The following ADAMTSL1 variants were observed in gnomAD, a reference collection of about 807,000 sequenced individuals.
ADAMTSL1 encodes ADAMTS like 1.
In ADAMTSL1, 126 loss-of-function variants were observed where a neutral mutation model predicts 201.8. The ratio of observed to expected loss-of-function variants is 0.62; its 90% CI spans 0.54 to 0.72. The LOEUF (loss-of-function observed/expected upper bound fraction) is 0.72, where lower values mean the gene tolerates loss of function less well. ADAMTSL1 is among the 30% of genes least tolerant of loss of function. ADAMTSL1 has a pLI of 0.00. For missense variants in ADAMTSL1, 2,679 were observed against 2,277.8 expected (o/e 1.18, Z -3.59); for synonymous variants, 1,121 against 903.4 (o/e 1.24, Z -4.32).
chr9:18,508,754 TA>T (rs1817834142), intron 2 of ADAMTSL1, among the ~76,000 whole-genome samples: 1 of 152,156 alleles, frequency 6.6e-6, no homozygotes, highest in Non-Finnish European at 1.5e-5. Flanking sequence ...TAAGTACTTA[TA>T]AAAGCAAAAT....
intron 4 of ADAMTSL1, among the ~76,000 whole-genome samples, chr9:18,613,950 A>G (rs764652960): frequency 6.6e-6 from 1 of 152,202 alleles, no homozygotes; most frequent in Non-Finnish European, 1.5e-5. Flanking sequence ...ATCAAAGTAG[A>G]TCTTATTGAG....
chr9:18,854,789 A>G (rs188207447), intron 23 of ADAMTSL1, among the ~76,000 whole-genome samples: 7 of 152,330 alleles, frequency 4.6e-5, no homozygotes, highest in African/African-American at 1.7e-4. Context: ...CTCTCAAACA[A>G]TTGTTCAGTG....
At chr9:18,737,768 A>C (rs1818599540) in intron 15 of ADAMTSL1, among the ~76,000 whole-genome samples, 1 of 152,252 alleles carries the variant, frequency 6.6e-6, no homozygotes, top group Non-Finnish European at 1.5e-5. Flanking sequence ...CAACTTGTCC[A>C]AATAGACACT....
intron 3 of ADAMTSL1, among the ~76,000 whole-genome samples, chr9:18,543,402 G>A (rs1564032084): frequency 9.2e-5 from 14 of 151,944 alleles, no homozygotes. Flanking sequence ...TCTGAAAAGA[G>A]AAATGATGAG....
At chr9:18,245,217 A>G (rs1391017235) in intron 2 of ADAMTSL1, among the ~76,000 whole-genome samples, 1 of 152,168 alleles carries the variant, frequency 6.6e-6, no homozygotes, top group African/African-American at 2.4e-5. Flanking sequence ...AATGCAAGCC[A>G]CATATGTAAT....
chr9:18,169,904 A>T (rs897194430), intron 2 of ADAMTSL1, among the ~76,000 whole-genome samples: 1 of 151,680 alleles, frequency 6.6e-6, no homozygotes, highest in African/African-American at 2.4e-5. Flanking sequence ...ATTCCTATTT[A>T]ATCTTTGGTT....
intron 2 of ADAMTSL1, among the ~76,000 whole-genome samples, chr9:18,338,287 C>G (rs1341729461): frequency 6.6e-6 from 1 of 152,146 alleles, no homozygotes; most frequent in African/African-American, 2.4e-5. Flanking sequence ...CTACCACCAA[C>G]AGATGAATTT....
intron 2 of ADAMTSL1, among the ~76,000 whole-genome samples, chr9:18,216,209 T>C (rs1382357374): frequency 6.6e-5 from 10 of 152,182 alleles, no homozygotes; most frequent in African/African-American, 2.4e-4. Flanking sequence ...GGTCCAACTT[T>C]TGTTGTTCGT....
chr9:18,137,354 G>A lies in ADAMTSL1; in HGVS notation c.88-26508G>A, dbSNP rs190294751. Among the ~76,000 whole-genome samples the A allele has an allele frequency of 2.6e-3, 392 of 152,160 alleles. 3 individuals are homozygous for A. Among genetic ancestry groups the A allele is most frequent in the Middle Eastern group, 0.02 (6 of 294 alleles). ...TCATAGAAAGAAGTGTTTCTTTATC[G>A]TTGTATTCAGGCTAAACTGGGACTG... On this transcript the variant is annotated intron_variant, in intron 1 of 29. Transcript: ENST00000680146.
chr9:18,886,285 G>C (rs1333702259), intron 23 of ADAMTSL1, among the ~76,000 whole-genome samples: 1 of 149,034 alleles, frequency 6.7e-6, no homozygotes, highest in African/African-American at 2.5e-5. Context: ...GGACATGGTG[G>C]TGCACACCTG....
chr9:18,269,380 G>A (rs1832267372), intron 2 of ADAMTSL1, among the ~76,000 whole-genome samples: 1 of 152,100 alleles, frequency 6.6e-6, no homozygotes, highest in African/African-American at 2.4e-5. Context: ...CCATCTGCAT[G>A]GATTTCTTGA....
intron 1 of ADAMTSL1, among the ~76,000 whole-genome samples, chr9:18,022,659 C>G (rs1409208701): frequency 6.6e-6 from 1 of 151,936 alleles, no homozygotes; most frequent in Non-Finnish European, 1.5e-5. Flanking sequence ...ACAGTCTTTA[C>G]TAAGAATGTC....
intron 19 of ADAMTSL1, among the ~76,000 whole-genome samples, chr9:18,778,410 G>A (rs1821190513): frequency 6.6e-6 from 1 of 152,242 alleles, no homozygotes; most frequent in African/African-American, 2.4e-5. Flanking sequence ...GTTTGTTCCA[G>A]AAAGCTTTTA....
At chr9:17,951,151 G>A (rs975365594) in intron 1 of ADAMTSL1, among the ~76,000 whole-genome samples, 1 of 152,168 alleles carries the variant, frequency 6.6e-6, no homozygotes, top group Non-Finnish European at 1.5e-5. Context: ...AGCACAGGGG[G>A]CAAGGGAGTC....
intron 1 of ADAMTSL1, among the ~76,000 whole-genome samples, chr9:18,488,581 CT>C (rs1470509266): frequency 4.6e-5 from 7 of 152,196 alleles, no homozygotes; most frequent in Non-Finnish European, 1.0e-4. Context: ...CCCCAGTTTC[CT>C]TGCCTGTAAA....
At chr9:17,909,153 CT>C (rs1825836195) in intron 1 of ADAMTSL1, among the ~76,000 whole-genome samples, 1 of 145,184 alleles carries the variant, frequency 6.9e-6, no homozygotes, top group Non-Finnish European at 1.5e-5. Context: ...CCTTCGCCCA[CT>C]TTTTGATGGG....
intron 2 of ADAMTSL1, among the ~76,000 whole-genome samples, chr9:18,375,544 A>G (rs1179593682): frequency 6.6e-6 from 1 of 152,180 alleles, no homozygotes; most frequent in Non-Finnish European, 1.5e-5. Flanking sequence ...ACTTCACAAC[A>G]TATTTAGTAT....
chr9:18,244,872 A>C (rs1180322152), intron 2 of ADAMTSL1, among the ~76,000 whole-genome samples: 1 of 152,080 alleles, frequency 6.6e-6, no homozygotes, highest in Non-Finnish European at 1.5e-5. Flanking sequence ...GGCAGGAACT[A>C]CATATACTCT....
chr9:18,232,357 G>A (rs1830675061), intron 2 of ADAMTSL1, among the ~76,000 whole-genome samples: 1 of 152,056 alleles, frequency 6.6e-6, no homozygotes, highest in African/African-American at 2.4e-5. Flanking sequence ...CTTTTGGTAA[G>A]GTACTCTTTG....
Sources: gnomAD v4.1 joint callset for allele counts (sites outside exome capture counted in the v4.1 genomes callset) on GRCh38, gnomAD v4.1.1 for gene constraint, MANE v1.5 for transcripts, NCBI Gene and HGNC (gene_info 2026-07-23, HGNC 2026-07-21) for gene names.